SORBS2: variants seen among roughly 807,000 people sequenced by gnomAD.
The protein encoded by SORBS2 is sorbin and SH3 domain containing 2, also known as sorbin and SH3 domain-containing protein 2.
SORBS2 carries 46 observed loss-of-function variants against 97.7 expected under a neutral mutation model. The ratio of observed to expected loss-of-function variants is 0.47; its 90% confidence interval spans 0.37 to 0.60. The LOEUF (loss-of-function observed/expected upper bound fraction) is 0.60, where lower values mean the gene tolerates loss of function less well. Ranked by LOEUF, SORBS2 falls within the 20% of genes least tolerant of loss-of-function variation. The pLI is 0.00. For synonymous variants in SORBS2, 476 were observed against 473.4 expected, an observed-to-expected ratio of 1.01 and a Z score of -0.07; for missense variants, 1,316 against 1,282.3, an observed-to-expected ratio of 1.03 and a Z score of -0.40.
chr4:185,845,220 A>T (rs2099213894), intron 1 of SORBS2, among the ~76,000 whole-genome samples: 1 of 151,984 alleles, frequency 6.6e-6, no homozygotes, highest in Non-Finnish European at 1.5e-5. Flanking sequence ...GAGTCCCACG[A>T]GGTTGCCCAG....
chr4:185,915,654 C>T (rs892297876), intron 1 of SORBS2, among the ~76,000 whole-genome samples: 2 of 152,166 alleles, frequency 1.3e-5, no homozygotes, highest in African/African-American at 4.8e-5. Context: ...TGGGAATTCC[C>T]TATGTGCTAC....
intron 1 of SORBS2, among the ~76,000 whole-genome samples, chr4:185,827,005 GACT>G (rs2099200268): frequency 8.2e-6 from 1 of 121,658 alleles, no homozygotes; most frequent in African/African-American, 3.1e-5. Flanking sequence ...CCCCACCCCT[GACT>G]ACGTCATCAT....
chr4:185,755,265 C>G (rs1257236383), intron 2 of SORBS2, among the ~76,000 whole-genome samples: 6 of 152,230 alleles, frequency 3.9e-5, no homozygotes, highest in African/African-American at 1.4e-4. Flanking sequence ...GGACTGACAC[C>G]TTTGCTTCCC....
rs143260374 is a variant in SORBS2 at position 185,764,060 on chromosome 4, C to T, written c.-198+11167G>A. 4.0e-3 allele frequency among the ~76,000 whole-genome samples: 614 copies of T among 152,178 alleles called. 16 individuals carry two copies. In the South Asian group the frequency reaches 0.063, roughly 16 times the overall value. On this transcript the variant is annotated intron_variant, in intron 2 of 20. Coordinates refer to the SORBS2 transcript ENST00000284776. ...GCTTTTCTGAATAAATTAAATTACA[C>T]GAAATATATAAGCTACAGAATGAAG... is the stretch of plus-strand genomic sequence containing the variant.
chr4:185,638,677 G>A (rs1193895080), intron 4 of SORBS2, among the ~76,000 whole-genome samples, 200 bp downstream of exon 14: 2 of 151,776 alleles, frequency 1.3e-5, no homozygotes, highest in African/African-American at 4.8e-5. Flanking sequence ...GGGTGCGGGA[G>A]GGGTGGGAAG....
At chr4:185,700,380 T>G (rs2098243873) in intron 2 of SORBS2, among the ~76,000 whole-genome samples, 1 of 151,220 alleles carries the variant, frequency 6.6e-6, no homozygotes, top group Non-Finnish European at 1.5e-5. Context: ...CACAGAACGA[T>G]ATGGTAGAGA....
intron 4 of SORBS2, 28 bp downstream of exon 14, chr4:185,638,849 A>G (rs2097075324): frequency 7.0e-7 from 1 of 1,428,734 alleles, no homozygotes; most frequent in African/African-American, 1.5e-5. Flanking sequence ...GCCGGGCATG[A>G]AGAAAGGTAA....
chr4:185,822,481 A>G (rs991920327), intron 1 of SORBS2, among the ~76,000 whole-genome samples: 24 of 152,252 alleles, frequency 1.6e-4, no homozygotes, highest in African/African-American at 5.3e-4. Context: ...TTTCACAGAC[A>G]TGCATATGAC....
chr4:185,623,952 G>T lies in SORBS2; in HGVS notation c.1177C>A (p.Leu393Met), dbSNP rs187060840. 234 of 1,614,218 alleles carry T rather than the reference G, an allele frequency of 1.4e-4. No homozygotes were observed. In the East Asian group the frequency reaches 4.2e-3, roughly 29 times the overall value. The stretch of plus-strand genomic sequence containing the variant: ...GAGCACTGGCTCCAGGCGCGCAGCA[G>T]GTCCTTGTGCTGCTGCTCGCTCTCG... Residue 393 changes from leucine to methionine, a missense_variant, in exon 7 of 15, where the codon CTG becomes ATG. By Grantham distance (15) the Leu-to-Met change is conservative. Transcript: ENST00000418609. The surrounding 1 kb of genome is among the most constrained non-coding windows in gnomAD (Gnocchi z 6.4).
At chr4:185,678,912 GT>G in intron 2 of SORBS2, 90 bp from the exon 6 acceptor site, 1 of 675,508 alleles carries the variant, frequency 1.5e-6, no homozygotes, top group Non-Finnish European at 2.3e-6. Flanking sequence ...TATATGCATT[GT>G]TTTTGCAAAC....
intron 1 of SORBS2, among the ~76,000 whole-genome samples, chr4:185,915,579 T>C (rs2099257694): frequency 6.6e-6 from 1 of 152,162 alleles, no homozygotes; most frequent in Non-Finnish European, 1.5e-5. Flanking sequence ...TTTCTACATT[T>C]CTCTCATTTC....
intron 1 of SORBS2, among the ~76,000 whole-genome samples, chr4:185,947,480 A>C (rs1206160168): frequency 1.3e-5 from 2 of 152,188 alleles, no homozygotes; most frequent in African/African-American, 4.8e-5. Context: ...AGAGTCTTAA[A>C]GGGCAAAAGT....
chr4:185,898,842 G>C (rs78701219), intron 1 of SORBS2, among the ~76,000 whole-genome samples: 4,657 of 152,220 alleles, frequency 0.031, 233 homozygotes, highest in African/African-American at 0.11. Flanking sequence ...GGTGCACAGA[G>C]CATAAATCTA....
chr4:185,623,096 G>T lies in SORBS2; in HGVS notation c.2033C>A (p.Ser678Tyr). The change falls in exon 7 of 15, where the codon TCC becomes TAC. Residue 678 changes from serine to tyrosine, a missense_variant. Coordinates refer to ENST00000418609, the Ensembl canonical transcript of SORBS2. This position sits in a 1 kb window ranked among gnomAD's most constrained non-coding sequence, Gnocchi z 6.4. ...GGGGCTCCTCCTCAGCGCTCTCAGG[G>T]ATGAGTTCCTCTCGGGAACATCTGG... 1 of 1,614,186 alleles carries T rather than the reference G, an allele frequency of 6.2e-7. No homozygotes were observed. Among genetic ancestry groups the T allele is most frequent in the Non-Finnish European group, 8.5e-7 (1 of 1,180,030 alleles).
At chr4:185,923,470 T>C (rs957669082) in intron 1 of SORBS2, among the ~76,000 whole-genome samples, 1 of 111,002 alleles carries the variant, frequency 9.0e-6, no homozygotes, top group Non-Finnish European at 1.9e-5. Flanking sequence ...TTCTTTTTTT[T>C]AATTTTTTTT....
At chr4:185,729,091 T>G (rs530783178) in intron 2 of SORBS2, among the ~76,000 whole-genome samples, 1 of 152,336 alleles carries the variant, frequency 6.6e-6, no homozygotes, top group South Asian at 2.1e-4. Context: ...ATGAGAAGAA[T>G]TCTATAAATG....
chr4:185,695,350 T>C (rs1222737375), intron 2 of SORBS2, among the ~76,000 whole-genome samples: 1 of 152,168 alleles, frequency 6.6e-6, no homozygotes, highest in Non-Finnish European at 1.5e-5. Context: ...TTTAGCTCAG[T>C]TAATGGGAGG....
At chr4:185,588,068 AAAATCCT>A (rs2095829973) in intron 14 of SORBS2, 1 of 197,000 alleles carries the variant, frequency 5.1e-6, no homozygotes, top group South Asian at 1.0e-4. Context: ...GGGTGAGTGG[AAAATCCT>A]AAGAGCAAAG....
intron 2 of SORBS2, among the ~76,000 whole-genome samples, chr4:185,759,764 G>A (rs748584616): frequency 5.3e-5 from 8 of 152,148 alleles, no homozygotes; most frequent in Non-Finnish European, 1.2e-4. Flanking sequence ...GAAGTCAATC[G>A]TTATTCTATT....
Sources: gnomAD v4.1 joint callset for allele counts (sites outside exome capture counted in the v4.1 genomes callset) on GRCh38, gnomAD v4.1.1 for gene constraint, Gnocchi (gnomAD v3.1) non-coding constraint, MANE v1.5 for transcripts, NCBI Gene and HGNC (gene_info 2026-07-23, HGNC 2026-07-21) for gene names.